The following RIN2 variants were observed in gnomAD, a reference collection of about 807,000 sequenced individuals.
The protein encoded by RIN2 is RAB5 interacting protein 2.
In RIN2, 36 loss-of-function variants were observed where a neutral mutation model predicts 78.0. That is an observed-to-expected ratio of 0.46 (90% CI 0.35 to 0.61). The LOEUF (loss-of-function observed/expected upper bound fraction) is 0.61, where lower values mean the gene tolerates loss of function less well. Ranked by LOEUF, RIN2 falls within the 20% of genes least tolerant of loss-of-function variation. The pLI, the probability that RIN2 is intolerant of heterozygous loss-of-function variation, is 0.00. For synonymous variants in RIN2, 466 were observed against 466.8 expected (o/e 1.00, Z 0.02); for missense variants, 1,087 against 1,159.7 (o/e 0.94, Z 0.91).
At chr20:19,988,368 C>T (rs995042182) in intron 9 of RIN2, among the ~76,000 whole-genome samples, 1 of 152,212 alleles carries the variant, frequency 6.6e-6, no homozygotes, top group African/African-American at 2.4e-5. Flanking sequence ...GATCTGCCCA[C>T]CCCAGCCTCC....
chr20:19,941,695 C>T (rs2040877224), intron 4 of RIN2, among the ~76,000 whole-genome samples: 2 of 152,128 alleles, frequency 1.3e-5, no homozygotes, highest in South Asian at 4.1e-4. Flanking sequence ...CCCCCAATCC[C>T]CTAGAATATT....
At chr20:19,931,409 GA>G (rs1452518472) in intron 3 of RIN2, among the ~76,000 whole-genome samples, 4 of 152,122 alleles carry the variant, frequency 2.6e-5, no homozygotes, top group African/African-American at 9.7e-5. Flanking sequence ...CCAAAATGCT[GA>G]GATTACAGGC....
chr20:19,843,701 A>T (rs1336243341), intron 2 of RIN2, among the ~76,000 whole-genome samples: 3 of 152,184 alleles, frequency 2.0e-5, no homozygotes, highest in African/African-American at 4.8e-5. Context: ...AACCAAACCA[A>T]CAGTAACTCC....
chr20:19,988,522 C>G (rs1485492969), intron 9 of RIN2, among the ~76,000 whole-genome samples: 1 of 152,172 alleles, frequency 6.6e-6, no homozygotes, highest in African/African-American at 2.4e-5. Flanking sequence ...TGCAGCAGAA[C>G]CCAAGGGGCT....
At chr20:19,778,642 G>A (rs1202560935) in intron 1 of RIN2, among the ~76,000 whole-genome samples, 1 of 152,320 alleles carries the variant, frequency 6.6e-6, no homozygotes, top group Non-Finnish European at 1.5e-5. Flanking sequence ...CTGATTCTTA[G>A]CTTGGAGCAG....
intron 1 of RIN2, among the ~76,000 whole-genome samples, chr20:19,761,264 G>A (rs1374230858): frequency 2.0e-5 from 3 of 152,102 alleles, no homozygotes; most frequent in South Asian, 2.1e-4. Flanking sequence ...TGCTAAAGGC[G>A]AACCTGCCCA....
At chr20:19,947,923 G>T (rs2041158990) in intron 4 of RIN2, among the ~76,000 whole-genome samples, 1 of 152,250 alleles carries the variant, frequency 6.6e-6, no homozygotes. Flanking sequence ...TCCATACCTT[G>T]TGGAGCCTGA....
intron 2 of RIN2, among the ~76,000 whole-genome samples, chr20:19,880,633 G>T (rs1355484985): frequency 6.6e-6 from 1 of 151,930 alleles, no homozygotes; most frequent in Non-Finnish European, 1.5e-5. Context: ...CTCCCAAAAT[G>T]CTGAGATTAT....
intron 2 of RIN2, among the ~76,000 whole-genome samples, chr20:19,864,630 T>A (rs1168401664): frequency 6.6e-6 from 1 of 152,154 alleles, no homozygotes. Flanking sequence ...ATAAGGAGCG[T>A]GGGGTTAAAG....
chr20:19,918,455 G>A (rs1183988176), intron 3 of RIN2, among the ~76,000 whole-genome samples: 1 of 151,812 alleles, frequency 6.6e-6, no homozygotes, highest in East Asian at 1.9e-4. Context: ...TCCAAATGGG[G>A]CAAAGATTGG....
chr20:19,948,425 C>T (rs1363109531), intron 4 of RIN2, among the ~76,000 whole-genome samples: 2 of 152,110 alleles, frequency 1.3e-5, no homozygotes, highest in Non-Finnish European at 2.9e-5. Context: ...GACGCAGTAT[C>T]CATCTGTCTC....
At chr20:19,833,296 T>TATATATATATATATATATATA (rs1568794611) in intron 2 of RIN2, among the ~76,000 whole-genome samples, 2 of 152,022 alleles carry the variant, frequency 1.3e-5, no homozygotes, top group African/African-American at 4.8e-5. Flanking sequence ...TATATATATA[T>TATATATATATATATATATATA]TTTAACTTTA....
At chr20:19,834,965 G>GAGAGAA (rs1555829708) in intron 2 of RIN2, among the ~76,000 whole-genome samples, 1 of 148,574 alleles carries the variant, frequency 6.7e-6, no homozygotes, top group Non-Finnish European at 1.5e-5. Flanking sequence ...GAGAGAGAGA[G>GAGAGAA]AGAAAGAAAG....
At chr20:19,999,288 G>C (rs1001916275) in intron 12 of RIN2, among the ~76,000 whole-genome samples, 2 of 151,914 alleles carry the variant, frequency 1.3e-5, no homozygotes, top group African/African-American at 4.8e-5. Flanking sequence ...TAAAAAAAAA[G>C]GTTCAAAGAG....
At chr20:19,926,162 A>T (rs531653336) in intron 3 of RIN2, among the ~76,000 whole-genome samples, 92 of 152,342 alleles carry the variant, frequency 6.0e-4, no homozygotes, top group South Asian at 3.7e-3. Context: ...AAAACTGATA[A>T]CAGTGGTTAC....
intron 8 of RIN2, among the ~76,000 whole-genome samples, chr20:19,971,930 C>T (rs373863193): frequency 7.2e-5 from 11 of 152,088 alleles, no homozygotes; most frequent in East Asian, 5.8e-4. Context: ...TCAGTAGCGA[C>T]GGCGTTTCAC....
chr20:19,957,565 T>C (rs2041592979), intron 5 of RIN2, among the ~76,000 whole-genome samples: 1 of 152,114 alleles, frequency 6.6e-6, no homozygotes, highest in Non-Finnish European at 1.5e-5. Context: ...TAATCCCAGC[T>C]ACTCAGGAGG....
intron 4 of RIN2, among the ~76,000 whole-genome samples, chr20:19,937,305 CAG>C (rs1181092593): frequency 6.6e-6 from 1 of 152,190 alleles, no homozygotes; most frequent in African/African-American, 2.4e-5. Flanking sequence ...CAGTAGGTAG[CAG>C]AGTTGCTTTC....
At chr20:19,934,405 C>A (rs1443299674) in intron 3 of RIN2, 1 of 890,242 alleles carries the variant, frequency 1.1e-6, no homozygotes, top group African/African-American at 1.8e-5. Flanking sequence ...AGATTTTAGA[C>A]CAGCCTGAAG....
Sources: gnomAD v4.1 joint callset for allele counts (sites outside exome capture counted in the v4.1 genomes callset) on GRCh38, gnomAD v4.1.1 for gene constraint, MANE v1.5 for transcripts, NCBI Gene and HGNC (gene_info 2026-07-23, HGNC 2026-07-21) for gene names.